Variants in CLTCL1 observed in about 807,000 individuals in gnomAD.
CLTCL1 encodes the protein clathrin heavy chain like 1.
A neutral mutation model predicts 190.0 loss-of-function variants in CLTCL1; 159 were observed. That is an observed-to-expected ratio of 0.84 (90% CI 0.74 to 0.95). The LOEUF (loss-of-function observed/expected upper bound fraction) is 0.95. Among genes scored for constraint, CLTCL1 ranks in the 40% least tolerant of loss-of-function variants. The pLI, the probability that CLTCL1 is intolerant of heterozygous loss-of-function variation, is 0.00. For missense variants in CLTCL1, 1,878 were observed against 2,033.4 expected (o/e 0.92, Z 1.47); for synonymous variants, 752 against 769.6 (o/e 0.98, Z 0.38).
Position 19,196,615 on chromosome 22 carries a change from C to T in CLTCL1, c.3915G>A (p.Ala1305=), listed in dbSNP as rs200525646. The change falls in exon 25 of 33, where the codon GCG becomes GCA. Residue 1305 remains alanine, a synonymous_variant. Transcript: ENST00000427926. Reference sequence around the variant, plus strand: ...TGTGGGCCCGCTCCAGGCCCAGGGCCGCTTCCAACAGCAAGATCAGCTCCT... The same window carrying T: ...TGTGGGCCCGCTCCAGGCCCAGGGCTGCTTCCAACAGCAAGATCAGCTCCT... ...YFEELILLLE[A]ALGLERAHMG... The T allele has an allele frequency of 7.4e-5, 120 of 1,613,626 alleles. No homozygotes were observed. In the East Asian group the frequency reaches 1.7e-3, roughly 23 times the overall value.
At chr22:19,267,587 C>T (rs531308601) in intron 2 of CLTCL1, among the ~76,000 whole-genome samples, 26 of 152,248 alleles carry the variant, frequency 1.7e-4, no homozygotes, top group Admixed American at 1.1e-3. Context: ...ATCAAGTAAT[C>T]GGTGCAAGAA....
chr22:19,210,297 G>A, intron 20 of CLTCL1, 29 bp downstream of exon 20: 1 of 1,605,246 alleles, frequency 6.2e-7, no homozygotes, highest in Non-Finnish European at 8.5e-7. Context: ...AAGGTGCTAG[G>A]TCCGACATGC....
intron 5 of CLTCL1, among the ~76,000 whole-genome samples, chr22:19,237,954 CA>C (rs782233183): frequency 2.0e-5 from 3 of 151,972 alleles, no homozygotes; most frequent in Non-Finnish European, 4.4e-5. Context: ...TTTATGAGAA[CA>C]AAAGAGTAAA....
At chr22:19,247,664 G>T (rs929627454) in intron 3 of CLTCL1, among the ~76,000 whole-genome samples, 1 of 151,844 alleles carries the variant, frequency 6.6e-6, no homozygotes, top group Non-Finnish European at 1.5e-5. Flanking sequence ...GGGTTCAGGC[G>T]ATTCTCCCGC....
In CLTCL1 at chr22:19,188,073, C is replaced by G. The variant is rs75417524; in HGVS notation, c.4342G>C (p.Val1448Leu). Reference protein sequence around the residue: ...FFSKAGQLPLVKPYLRSVQSH... With the variant: ...FFSKAGQLPLLKPYLRSVQSH... ...TGGACTGACCGCAGGTAAGGCTTCA[C>G]CAGGGGCAGCTGACCTGCCTGACAA... Residue 1448 changes from valine to leucine, a missense_variant, in exon 28 of 33, where the codon GTG (valine) becomes CTG (leucine). Transcript: ENST00000427926. 1 of 1,613,882 alleles carries G rather than the reference C, an allele frequency of 6.2e-7. No individual in the cohort carries two copies. Among genetic ancestry groups the G allele is most frequent in the Non-Finnish European group, 8.5e-7 (1 of 1,179,882 alleles).
chr22:19,222,740 C>T lies in CLTCL1; in HGVS notation c.2362G>A (p.Val788Ile), dbSNP rs1555953323. Residue 788 changes from valine to isoleucine, a missense_variant, in exon 15 of 33, where the codon GTC (valine) becomes ATC (isoleucine). Val to Ile is a conservative substitution (Grantham distance 29, BLOSUM62 3). Coordinates refer to ENST00000427926, the MANE Select transcript of CLTCL1 (RefSeq NM_007098.4). ...CDRFGFVHDL[V>I]LYLYRNNLQR... is the part of the protein sequence containing the mutation. ...AGGTTGTTGCGGTATAAATATAGGA[C>T]AAGGTCATGGACAAAGCCAAAACGA... 1 of 1,598,880 alleles carries T rather than the reference C, an allele frequency of 6.3e-7. No homozygotes were observed. Among genetic ancestry groups the T allele is most frequent in the Admixed American group, 1.7e-5 (1 of 57,564 alleles).
At chr22:19,199,530 C>A (rs2146308034) in intron 24 of CLTCL1, among the ~76,000 whole-genome samples, 1 of 152,308 alleles carries the variant, frequency 6.6e-6, no homozygotes, top group East Asian at 1.9e-4. Context: ...TCCAGCCAGC[C>A]ATGAGGTCGA....
Position 19,188,011 on chromosome 22 carries a change from G to C in CLTCL1, c.4404C>G (p.Asn1468Lys). ...HNNKSVNEAL[N>K]HLLTEEEDYQ... is the part of the protein sequence containing the mutation. ...AGTCCTCCTCCTCTGTCAGCAGGTG[G>C]TTGAGTGCCTCATTCACACTCTTGT... The change falls in exon 28 of 33, where the codon AAC (asparagine) becomes AAG (lysine). Residue 1468 changes from asparagine to lysine, a missense_variant. Asn to Lys is a moderately conservative substitution (Grantham distance 94). Transcript: ENST00000427926. 3 of 1,614,022 alleles carry C rather than the reference G, an allele frequency of 1.9e-6. No homozygotes were observed. The South Asian group carries it at 3.3e-5, about 18-fold the overall frequency.
intron 9 of CLTCL1, 160 bp from the exon 10 acceptor site, chr22:19,232,758 A>T (rs2085955848): frequency 1.1e-6 from 1 of 914,110 alleles, no homozygotes; most frequent in South Asian, 1.8e-5. Flanking sequence ...ATATCCAATT[A>T]AATGAATTGA....
intron 1 of CLTCL1, among the ~76,000 whole-genome samples, chr22:19,287,966 T>C (rs999642077): frequency 1.4e-4 from 21 of 152,098 alleles, no homozygotes; most frequent in Non-Finnish European, 4.4e-5. Flanking sequence ...TTACCTATAG[T>C]CTGAAAATAT....
intron 11 of CLTCL1, among the ~76,000 whole-genome samples, chr22:19,227,300 G>C (rs2085778048): frequency 7.8e-6 from 1 of 128,278 alleles, no homozygotes; most frequent in Non-Finnish European, 1.6e-5. Context: ...TTTTTTTTGA[G>C]ACAGGGTCTC....
chr22:19,234,855 G>A, intron 6 of CLTCL1, 149 bp from the exon 7 acceptor site: 1 of 734,726 alleles, frequency 1.4e-6, no homozygotes, highest in Admixed American at 2.6e-5. Flanking sequence ...AGTGAAAGGA[G>A]GCAAAGCAGC....
At chr22:19,193,344 A>G (rs368505709) in intron 26 of CLTCL1, among the ~76,000 whole-genome samples, 8 of 152,222 alleles carry the variant, frequency 5.3e-5, no homozygotes, top group Admixed American at 3.3e-4. Context: ...CTGCAGGGAC[A>G]CACATCTCTG....
chr22:19,207,442 G>C (rs1341465255), intron 22 of CLTCL1: 1 of 397,796 alleles, frequency 2.5e-6, no homozygotes, highest in African/African-American at 2.1e-5. Flanking sequence ...GAATTATTCT[G>C]ATGTGTATAG....
chr22:19,274,558 G>T (rs797036690), intron 2 of CLTCL1, among the ~76,000 whole-genome samples: 13 of 152,168 alleles, frequency 8.5e-5, no homozygotes, highest in African/African-American at 2.9e-4. Flanking sequence ...TCAAATAAAA[G>T]AATTTCAGTT....
intron 13 of CLTCL1, 92 bp from the exon 14 acceptor site, chr22:19,224,146 A>C: frequency 7.7e-7 from 1 of 1,301,562 alleles, no homozygotes; most frequent in Admixed American, 1.9e-5. Flanking sequence ...ACCCTGCTCC[A>C]CTCTCCAGGG....
chr22:19,279,356 C>G (rs1000795177), intron 1 of CLTCL1, among the ~76,000 whole-genome samples: 12 of 152,016 alleles, frequency 7.9e-5, no homozygotes, highest in African/African-American at 2.9e-4. Context: ...AGGCTGGTCT[C>G]GAACTCCTGA....
At chr22:19,222,569 C>A in intron 15 of CLTCL1, 115 bp downstream of exon 15, 1 of 1,269,556 alleles carries the variant, frequency 7.9e-7, no homozygotes, top group Non-Finnish European at 1.1e-6. Context: ...AACCCACCAC[C>A]CTTCAAAATG....
At chr22:19,278,390 G>A (rs1380384981) in intron 1 of CLTCL1, among the ~76,000 whole-genome samples, 1 of 152,162 alleles carries the variant, frequency 6.6e-6, no homozygotes, top group African/African-American at 2.4e-5. Context: ...TGAAAAGTGA[G>A]AGAATGGTTT....
Sources: gnomAD v4.1 joint callset for allele counts (sites outside exome capture counted in the v4.1 genomes callset) on GRCh38, gnomAD v4.1.1 for gene constraint, MANE v1.5 for transcripts, NCBI Gene and HGNC (gene_info 2026-07-23, HGNC 2026-07-21) for gene names.